The following PALS2 variants were observed in gnomAD, a reference collection of about 807,000 sequenced individuals.
PALS2 encodes protein PALS2.
Under a neutral mutation model 61.6 loss-of-function variants are expected in PALS2, and 27 were observed. That is an observed-to-expected ratio of 0.44 (90% CI 0.32 to 0.60). The LOEUF (loss-of-function observed/expected upper bound fraction) is 0.60, where lower values mean the gene tolerates loss of function less well. Ranked by LOEUF, PALS2 falls within the 20% of genes least tolerant of loss-of-function variation. The pLI is 0.05. For synonymous variants in PALS2, 236 were observed against 218.6 expected, an observed-to-expected ratio of 1.08 and a Z score of -0.70; for missense variants, 554 against 639.4, an observed-to-expected ratio of 0.87 and a Z score of 1.44.
In PALS2 at chr7:24,573,590, G is replaced by T; in HGVS notation, c.-6G>T. 1 of 375,110 alleles carries T rather than the reference G, an allele frequency of 2.7e-6. No individual in the cohort carries two copies. Among genetic ancestry groups the T allele is most frequent in the Non-Finnish European group, 4.7e-6 (1 of 211,578 alleles). 23.2% of individuals were successfully genotyped at this position (375,110 alleles called of 1,614,324 possible). On this transcript the variant is annotated 5_prime_UTR_variant, in exon 1 of 12. Coordinates refer to ENST00000222644, the MANE Select transcript of PALS2 (RefSeq NM_001303037.2). This position sits in a 1 kb window ranked among gnomAD's most constrained non-coding sequence, Gnocchi z 5.3. The stretch of plus-strand genomic sequence containing the variant: ...CGGCGCGGAGGCGGCTGAGGTGCGA[G>T]CCGGTGAGTTAACTGGACCCCCACG...
At chr7:24,649,573 A>G in intron 3 of PALS2, 39 bp from the exon 4 acceptor site, 5 of 1,483,840 alleles carry the variant, frequency 3.4e-6, no homozygotes, top group Non-Finnish European at 4.5e-6. Context: ...TTTCATCCAC[A>G]TATCATAAAT....
intron 1 of PALS2, among the ~76,000 whole-genome samples, chr7:24,617,716 C>T (rs1232513034): frequency 6.6e-6 from 1 of 152,174 alleles, no homozygotes; most frequent in African/African-American, 2.4e-5. Context: ...GGTGGGCTCA[C>T]TGGGCTGTTT....
intron 2 of PALS2, among the ~76,000 whole-genome samples, chr7:24,629,560 G>A (rs543222734): frequency 6.6e-6 from 1 of 152,198 alleles, no homozygotes; most frequent in East Asian, 1.9e-4. Context: ...TACAGAATGG[G>A]AGAAAAATTT....
chr7:24,665,375 CCA>C (rs1786960398), intron 6 of PALS2, among the ~76,000 whole-genome samples: 1 of 152,124 alleles, frequency 6.6e-6, no homozygotes, highest in African/African-American at 2.4e-5. Flanking sequence ...CATTTCACTA[CCA>C]GATGACAGAT....
chr7:24,619,993 G>A (rs993460724), intron 1 of PALS2: 2 of 152,040 alleles, frequency 1.3e-5, no homozygotes, highest in Admixed American at 1.3e-4. Context: ...TACTAGAGTT[G>A]TCTTGTGTTT....
At chr7:24,601,346 A>T (rs1477279531) in intron 1 of PALS2, among the ~76,000 whole-genome samples, 2 of 152,120 alleles carry the variant, frequency 1.3e-5, no homozygotes, top group African/African-American at 4.8e-5. Flanking sequence ...TGTATATGCC[A>T]CTTGGCTATA....
At position 24,573,566 on chromosome 7, in the gene PALS2, G is replaced by A. The variant is rs1429598071; in HGVS notation, c.-30G>A. 6 of 385,742 alleles carry A rather than the reference G, an allele frequency of 1.6e-5. No individual in the cohort carries two copies. The highest frequency in any genetic ancestry group is 9.1e-5 in the Admixed American group (2 of 22,062). The allele number at this position is 385,742 out of a possible 1,614,324, so 23.9% of individuals were successfully genotyped here. On this transcript the variant is annotated 5_prime_UTR_variant, in exon 1 of 12. Transcript: ENST00000222644. The surrounding 1 kb of genome is among the most constrained non-coding windows in gnomAD (Gnocchi z 5.3). Reference sequence around the variant, plus strand: ...AGCGACCGGGAGCGGCGGCAGCGGCGGCGCGGAGGCGGCTGAGGTGCGAGC... The same window carrying A: ...AGCGACCGGGAGCGGCGGCAGCGGCAGCGCGGAGGCGGCTGAGGTGCGAGC...
rs551246612 is a variant in PALS2 at position 24,573,696 on chromosome 7, C to T, written c.-3+103C>T. On this transcript the variant is annotated intron_variant, in intron 1 of 11. Coordinates refer to ENST00000222644, the MANE Select transcript of PALS2 (RefSeq NM_001303037.2). The surrounding 1 kb of genome is among the most constrained non-coding windows in gnomAD (Gnocchi z 5.3). ...CGGCGCGGCGCGCCACGCGGGGACC[C>T]TGGCCCGCCCCGCCCCCCTCGGCAC... The T allele has an allele frequency of 1.6e-3, 262 of 164,996 alleles. No homozygotes were observed. The highest frequency in any genetic ancestry group is 6.2e-3 in the African/African-American group (254 of 41,086). 10.2% of individuals were successfully genotyped at this position (164,996 alleles called of 1,614,324 possible).
intron 2 of PALS2, among the ~76,000 whole-genome samples, chr7:24,638,317 A>ATTTTTTT (rs1562631729): frequency 2.8e-4 from 4 of 14,254 alleles, no homozygotes; most frequent in Non-Finnish European, 3.2e-4. Flanking sequence ...CAATTTCTGT[A>ATTTTTTT]TTTTCTTTTT....
Position 24,641,850 on chromosome 7 carries a change from C to CA in PALS2, c.255dup (p.Glu86ArgfsTer12), listed in dbSNP as rs1785574009. The CA allele has an allele frequency of 6.2e-7, 1 of 1,612,344 alleles. No homozygotes were observed. Among genetic ancestry groups the CA allele is most frequent in the Non-Finnish European group, 8.5e-7 (1 of 1,179,498 alleles). On this transcript the variant is annotated frameshift_variant, in exon 3 of 12. Coordinates refer to ENST00000222644, the MANE Select transcript of PALS2 (RefSeq NM_001303037.2). LOFTEE classifies it high-confidence loss of function. ...ATGTGGCAGAATTGGTTGGTATACT[C>CA]AAAGAACCTCACTTCCAGGTAACTT...
intron 1 of PALS2, among the ~76,000 whole-genome samples, chr7:24,582,430 G>T (rs1782880975): frequency 6.6e-6 from 1 of 152,052 alleles, no homozygotes; most frequent in Non-Finnish European, 1.5e-5. Flanking sequence ...AGAACATTTT[G>T]TTTTAGTTCT....
chr7:24,615,797 T>C (rs954685634), intron 1 of PALS2, among the ~76,000 whole-genome samples: 1 of 151,936 alleles, frequency 6.6e-6, no homozygotes, highest in African/African-American at 2.4e-5. Flanking sequence ...TGAACATAAA[T>C]GCAAAAATCC....
intron 1 of PALS2, among the ~76,000 whole-genome samples, chr7:24,619,107 C>A (rs964690089): frequency 7.2e-5 from 11 of 152,076 alleles, no homozygotes; most frequent in Non-Finnish European, 8.8e-5. Context: ...GATTTAATTA[C>A]CTTGTAAATT....
intron 1 of PALS2, chr7:24,597,007 G>A (rs1354589778): frequency 6.6e-6 from 1 of 152,144 alleles, no homozygotes; most frequent in Admixed American, 6.6e-5. Context: ...AAAAAAATTG[G>A]ATGATTCTGA....
chr7:24,603,957 G>A (rs2529092), intron 1 of PALS2, among the ~76,000 whole-genome samples: 150,761 of 152,298 alleles, frequency 0.99, 74,623 homozygotes, highest in East Asian at 1. Flanking sequence ...AGTCATCATC[G>A]GGAAAAATAG....
At chr7:24,632,061 A>T (rs1424377092) in intron 2 of PALS2, among the ~76,000 whole-genome samples, 3 of 152,198 alleles carry the variant, frequency 2.0e-5, no homozygotes, top group Non-Finnish European at 4.4e-5. Context: ...CTTCAACTAT[A>T]ATAGTAGATT....
intron 1 of PALS2, among the ~76,000 whole-genome samples, chr7:24,601,962 T>G (rs1324695627): frequency 1.3e-5 from 2 of 152,154 alleles, no homozygotes; most frequent in African/African-American, 4.8e-5. Flanking sequence ...GCAACTTACA[T>G]CTTTCATTTC....
chr7:24,674,184 A>C (rs1170275681), intron 9 of PALS2: 1 of 152,582 alleles, frequency 6.6e-6, no homozygotes, highest in African/African-American at 2.4e-5. Flanking sequence ...AATGACCTTA[A>C]ACCTTACATG....
Position 24,689,996 on chromosome 7 carries a change from C to T in PALS2, c.*2382C>T, listed in dbSNP as rs926574415. 38 of 152,082 alleles carry T rather than the reference C, an allele frequency of 2.5e-4. No homozygotes were observed. Among genetic ancestry groups the T allele is most frequent in the Admixed American group, 2.0e-3 (31 of 15,274 alleles). 9.4% of individuals were successfully genotyped at this position (152,082 alleles called of 1,614,324 possible). ...TGACTTTTACATCATGTATATTAGCCTTATGTGATATAAAATGTATTACTT... is the reference window on the plus strand; with the variant it reads ...TGACTTTTACATCATGTATATTAGCTTTATGTGATATAAAATGTATTACTT... On this transcript the variant is annotated 3_prime_UTR_variant, in exon 12 of 12. Coordinates refer to ENST00000222644, the MANE Select transcript of PALS2 (RefSeq NM_001303037.2).
Sources: gnomAD v4.1 joint callset for allele counts (sites outside exome capture counted in the v4.1 genomes callset) on GRCh38, gnomAD v4.1.1 for gene constraint, Gnocchi (gnomAD v3.1) non-coding constraint, MANE v1.5 for transcripts, NCBI Gene and HGNC (gene_info 2026-07-23, HGNC 2026-07-21) for gene names.